The following PFKFB4 variants were observed in gnomAD, a reference collection of about 807,000 sequenced individuals.
PFKFB4 encodes the protein 6-phosphofructo-2-kinase/fructose-2,6-biphosphatase 4.
A neutral mutation model predicts 62.8 loss-of-function variants in PFKFB4; 42 were observed. The observed-to-expected ratio is 0.67, with a 90% CI of 0.52 to 0.86. PFKFB4 has a LOEUF of 0.86. Among genes scored for constraint, PFKFB4 ranks in the 40% least tolerant of loss-of-function variants. The pLI is 0.00. For missense variants in PFKFB4, 475 were observed against 627.2 expected (o/e 0.76, Z 2.59); for synonymous variants, 204 against 240.7 (o/e 0.85, Z 1.41).
At chr3:48,560,085 T>G (rs577900146), upstream of PFKFB4, among the ~76,000 whole-genome samples, 6 of 152,114 alleles carry the variant, frequency 3.9e-5, no homozygotes, top group Non-Finnish European at 8.8e-5. Context: ...CCACCACATC[T>G]GGCCCACAAA....
At position 48,556,449 on chromosome 3, in the gene PFKFB4, A is replaced by G. The variant is rs1198555829; in HGVS notation, c.97+232T>C. ...GCCAGACCTAGCCACCGCCAAGCCGATATGCCCCCACACACCTGTCCCCGC... is the reference window on the plus strand; with the variant it reads ...GCCAGACCTAGCCACCGCCAAGCCGGTATGCCCCCACACACCTGTCCCCGC... On this transcript the variant is annotated intron_variant, in intron 1 of 13. Transcript: ENST00000232375. The surrounding 1 kb of genome is among the most constrained non-coding windows in gnomAD (Gnocchi z 5.7). Among the ~76,000 whole-genome samples the G allele has an allele frequency of 6.6e-6, 1 of 152,002 alleles. No individual in the cohort carries two copies. The highest frequency in any genetic ancestry group is 1.5e-5 in the Non-Finnish European group (1 of 67,954).
intron 4 of PFKFB4, among the ~76,000 whole-genome samples, chr3:48,540,282 C>T (rs921982275): frequency 3.9e-5 from 6 of 152,174 alleles, no homozygotes; most frequent in African/African-American, 4.8e-5. Context: ...TCCACGGTGA[C>T]GGACTCAGAG....
At chr3:48,535,456 A>G (rs1318497794) in intron 9 of PFKFB4, 56 bp downstream of exon 9, 1 of 1,450,664 alleles carries the variant, frequency 6.9e-7, no homozygotes. Flanking sequence ...TTACAATATG[A>G]TGCAGCAGCC....
At chr3:48,536,615 TG>T (rs1366386601) in intron 7 of PFKFB4, 152 bp from the exon 8 acceptor site, 4 of 629,426 alleles carry the variant, frequency 6.4e-6, no homozygotes, top group East Asian at 2.7e-5. Context: ...GTGCGAGTGA[TG>T]GGGGTGAGGC....
In PFKFB4 at chr3:48,519,723, A is replaced by C; in HGVS notation, c.*24T>G. 1 of 1,591,834 alleles carries C rather than the reference A, an allele frequency of 6.3e-7. No homozygotes were observed. The highest frequency in any genetic ancestry group is 8.6e-7 in the Non-Finnish European group (1 of 1,160,480). On this transcript the variant is annotated 3_prime_UTR_variant, in exon 14 of 14. Transcript: ENST00000232375. ...CCTCTGCAGAGAGCAGTGCCTGCCT[A>C]GTGGTCACAGTGGATGAACATGGTC...
At chr3:48,558,801 T>C (rs1309805004), upstream of PFKFB4, among the ~76,000 whole-genome samples, 1 of 152,214 alleles carries the variant, frequency 6.6e-6, no homozygotes, top group African/African-American at 2.4e-5. Flanking sequence ...GGGCGGCTCC[T>C]GATGAGCTGG....
At chr3:48,534,285 G>A (rs1420131335) in intron 9 of PFKFB4, among the ~76,000 whole-genome samples, 1 of 152,200 alleles carries the variant, frequency 6.6e-6, no homozygotes, top group Non-Finnish European at 1.5e-5. Context: ...TGGGAGTCCA[G>A]GATGGGAGAA....
Position 48,519,811 on chromosome 3 carries a change from A to G in PFKFB4, c.1351-5T>C, listed in dbSNP as rs768886682. On this transcript the variant is annotated splice_region_variant and splice_polypyrimidine_tract_variant and intron_variant, in intron 13 of 13. Transcript: ENST00000232375. ...AGGTCTTGAGATGTCCACGTTCTGT[A>G]CAATAAAAACACAGAGCGTTCACTC... The G allele has an allele frequency of 1.2e-6, 2 of 1,612,042 alleles. No individual in the cohort carries two copies. Among genetic ancestry groups the G allele is most frequent in the East Asian group, 4.5e-5 (2 of 44,866 alleles).
In PFKFB4 at chr3:48,550,178, T is replaced by C. The variant is rs1380856317; in HGVS notation, c.154A>G (p.Lys52Glu). 1.9e-6 allele frequency: 3 copies of C among 1,614,208 alleles called. No individual in the cohort carries two copies. The highest frequency in any genetic ancestry group is 1.7e-5 in the Admixed American group (1 of 60,028). ...GTCAGCTTCTTGGAGATGTAGGTCTTGCCCCTGGCGGGCAGGCCCACCATG... is the reference window on the plus strand; with the variant it reads ...GTCAGCTTCTTGGAGATGTAGGTCTCGCCCCTGGCGGGCAGGCCCACCATG... ...IVMVGLPARG[K>E]TYISKKLTRY... is the part of the protein sequence containing the mutation. The change falls in exon 2 of 14, where the codon AAG becomes GAG. Residue 52 changes from lysine to glutamate, a missense_variant. Coordinates refer to ENST00000232375, the MANE Select transcript of PFKFB4 (RefSeq NM_004567.4).
At chr3:48,537,121 G>A (rs556389203) in intron 7 of PFKFB4, among the ~76,000 whole-genome samples, 22 of 152,166 alleles carry the variant, frequency 1.4e-4, no homozygotes, top group South Asian at 4.1e-4. Flanking sequence ...ACTGCAGCTT[G>A]GACAGCACAT....
At chr3:48,553,006 T>C (rs1366870720) in intron 1 of PFKFB4, among the ~76,000 whole-genome samples, 1 of 152,170 alleles carries the variant, frequency 6.6e-6, no homozygotes, top group African/African-American at 2.4e-5. Context: ...CTGCTTACCA[T>C]AGCAAAACAC....
intron 9 of PFKFB4, among the ~76,000 whole-genome samples, chr3:48,529,566 T>C (rs1344491497): frequency 6.6e-6 from 1 of 152,208 alleles, no homozygotes; most frequent in East Asian, 1.9e-4. Context: ...TCCTATAACC[T>C]GCCTCAGGTA....
At chr3:48,535,735 T>C in intron 8 of PFKFB4, 77 bp from the exon 9 acceptor site, 2 of 1,559,472 alleles carry the variant, frequency 1.3e-6, no homozygotes, top group African/African-American at 1.4e-5. Context: ...GCAGGGTCCA[T>C]GAGATCACCC....
At chr3:48,562,473 A>G (rs977466216), upstream of PFKFB4, 6 of 403,640 alleles carry the variant, frequency 1.5e-5, no homozygotes, top group South Asian at 2.5e-4. This position sits in a 1 kb window ranked among gnomAD's most constrained non-coding sequence, Gnocchi z 4.3. Context: ...ACGTGGCAGC[A>G]TCCAAGCTGT....
chr3:48,546,604 G>A lies in PFKFB4; in HGVS notation c.312-2958C>T, dbSNP rs147705363. ...AGCAGGTATGAGAATGGTCCCCTTC[G>A]AAAGGCCTGCTTGTGAGGTTGGCCC... is the stretch of plus-strand genomic sequence containing the variant. On this transcript the variant is annotated intron_variant, in intron 3 of 13. Transcript: ENST00000232375. 4.5e-3 allele frequency among the ~76,000 whole-genome samples: 682 copies of A among 152,346 alleles called. 7 individuals carry two copies. The highest frequency in any genetic ancestry group is 0.015 in the African/African-American group (630 of 41,586).
intron 9 of PFKFB4, among the ~76,000 whole-genome samples, chr3:48,532,028 C>T (rs1236638677): frequency 1.3e-5 from 2 of 152,128 alleles, no homozygotes; most frequent in Non-Finnish European, 2.9e-5. Context: ...AAACAGAGGC[C>T]GGGTGCGGTG....
At chr3:48,529,729 C>T (rs961207283) in intron 9 of PFKFB4, among the ~76,000 whole-genome samples, 1 of 152,140 alleles carries the variant, frequency 6.6e-6, no homozygotes. Flanking sequence ...AAAAATAAAA[C>T]CACAACTTGA....
chr3:48,529,835 T>G (rs752399578), intron 9 of PFKFB4, among the ~76,000 whole-genome samples: 6 of 152,060 alleles, frequency 3.9e-5, no homozygotes, highest in Non-Finnish European at 7.4e-5. Flanking sequence ...ACACCTGTGG[T>G]CCCAGCTACT....
At chr3:48,536,064 C>A (rs1314543614) in intron 8 of PFKFB4, among the ~76,000 whole-genome samples, 192 bp downstream of exon 8, 5 of 152,238 alleles carry the variant, frequency 3.3e-5, no homozygotes, top group African/African-American at 1.2e-4. Context: ...AACCAGAGAT[C>A]CAGGCATTTG....
Sources: gnomAD v4.1 joint callset for allele counts (sites outside exome capture counted in the v4.1 genomes callset) on GRCh38, gnomAD v4.1.1 for gene constraint, Gnocchi (gnomAD v3.1) non-coding constraint, MANE v1.5 for transcripts, NCBI Gene and HGNC (gene_info 2026-07-23, HGNC 2026-07-21) for gene names.